ITPK1: variants seen among roughly 807,000 people sequenced by gnomAD.
ITPK1 encodes inositol-tetrakisphosphate 1-kinase.
A neutral mutation model predicts 45.3 loss-of-function variants in ITPK1; 21 were observed. The observed-to-expected ratio is 0.46, with a 90% CI of 0.33 to 0.67. ITPK1 has a LOEUF of 0.67. Ranked by LOEUF, ITPK1 falls within the 30% of genes least tolerant of loss-of-function variation. ITPK1 has a pLI of 0.02. For missense variants in ITPK1, 474 were observed against 573.5 expected, an observed-to-expected ratio of 0.83 and a Z score of 1.77; for synonymous variants, 258 against 253.6, an observed-to-expected ratio of 1.02 and a Z score of -0.16.
At position 92,941,774 on chromosome 14, in the gene ITPK1, C is replaced by T; in HGVS notation, c.1032G>A (p.Glu344=). ...ALLRHSKLLA[E]PAGGLVGERT... ...GCTCGCCCACCAGGCCGCCCGCCGGCTCGGCCAGAAGCTTGCTGTGCCTCA... is the reference window on the plus strand; with the variant it reads ...GCTCGCCCACCAGGCCGCCCGCCGGTTCGGCCAGAAGCTTGCTGTGCCTCA... Residue 344 remains glutamate (E), a synonymous_variant, in exon 11 of 11, where the codon GAG becomes GAA. Coordinates refer to ENST00000267615, the MANE Select transcript of ITPK1 (RefSeq NM_014216.6). 1 of 1,608,404 alleles carries T rather than the reference C, an allele frequency of 6.2e-7. No homozygotes were observed. Among genetic ancestry groups the T allele is most frequent in the Non-Finnish European group, 8.5e-7 (1 of 1,178,530 alleles).
chr14:92,966,232 T>C (rs1220483789), intron 5 of ITPK1, among the ~76,000 whole-genome samples: 4 of 152,112 alleles, frequency 2.6e-5, no homozygotes, highest in Non-Finnish European at 5.9e-5. Flanking sequence ...GCTCAAGTGA[T>C]TGTCCCGCCT....
At chr14:93,089,159 A>T (rs1420766116) in intron 2 of ITPK1, among the ~76,000 whole-genome samples, 3 of 152,158 alleles carry the variant, frequency 2.0e-5, no homozygotes, top group African/African-American at 7.2e-5. Context: ...GGCCAAAAGG[A>T]TGGATGCCAT....
rs1165016845 is a variant in ITPK1 at position 92,941,666 on chromosome 14, G to A, written c.1140C>T (p.Gly380=). 7 of 1,540,286 alleles carry A rather than the reference G, an allele frequency of 4.5e-6. No individual in the cohort carries two copies. In the African/African-American group the frequency reaches 5.5e-5, roughly 12 times the overall value. Residue 380 remains glycine, a synonymous_variant, in exon 11 of 11, where the codon GGC becomes GGT. Coordinates refer to ENST00000267615, the MANE Select transcript of ITPK1 (RefSeq NM_014216.6). Reference sequence around the variant, plus strand: ...GTCTCTGGTGCGGCAGCTTGGCGGTGCCGCCCGCGTCGGCCTCAGCCTTCC... The same window carrying A: ...GTCTCTGGTGCGGCAGCTTGGCGGTACCGCCCGCGTCGGCCTCAGCCTTCC... ...APWKAEADAG[G]TAKLPHQRLG...
At chr14:93,094,871 G>A (rs914589708) in intron 2 of ITPK1, among the ~76,000 whole-genome samples, 2 of 152,232 alleles carry the variant, frequency 1.3e-5, no homozygotes, top group Non-Finnish European at 2.9e-5. Flanking sequence ...CCCAGAGTCC[G>A]TGTTGAAGGA....
chr14:92,944,550 G>C (rs1035675903), intron 10 of ITPK1, among the ~76,000 whole-genome samples: 1 of 152,114 alleles, frequency 6.6e-6, no homozygotes, highest in East Asian at 1.9e-4. Flanking sequence ...CCTTGCTCAG[G>C]TGCAAAGCTT....
rs1888158652 is a variant in ITPK1, at chr14:93,016,051, T to A, written c.246+625A>T. ...CTTTCTAGAGGACAGAATCACGTTC[T>A]TGTCCACAACAGAGAGAACACAGGA... On this transcript the variant is annotated intron_variant, in intron 4 of 10. Coordinates refer to ENST00000267615, the MANE Select transcript of ITPK1 (RefSeq NM_014216.6). The surrounding 1 kb of genome is among the most constrained non-coding windows in gnomAD (Gnocchi z 5.0). 6.6e-6 allele frequency among the ~76,000 whole-genome samples: 1 copy of A among 152,180 alleles called. No individual in the cohort carries two copies. The highest frequency in any genetic ancestry group is 2.4e-5 in the African/African-American group (1 of 41,416).
chr14:93,033,059 G>C (rs890588120), intron 3 of ITPK1, among the ~76,000 whole-genome samples: 1 of 152,212 alleles, frequency 6.6e-6, no homozygotes, highest in Non-Finnish European at 1.5e-5. Flanking sequence ...GCTTGGGAAA[G>C]GTATAAGCAT....
intron 5 of ITPK1, among the ~76,000 whole-genome samples, chr14:92,984,764 C>T (rs1012975975): frequency 6.6e-6 from 1 of 152,166 alleles, no homozygotes; most frequent in Admixed American, 6.5e-5. Flanking sequence ...CAAGGGGATC[C>T]TGTCACTTCT....
chr14:92,939,511 G>GCTCC lies in ITPK1; in HGVS notation c.*2046_*2049dup. On this transcript the variant is annotated 3_prime_UTR_variant, in exon 11 of 11. Coordinates refer to ENST00000267615, the MANE Select transcript of ITPK1 (RefSeq NM_014216.6). ...CTGGCCCCTCCCTACCTCCCATGTA[G>GCTCC]CTCCCAGGCCTTTACGAAGCAAATC... is the stretch of plus-strand genomic sequence containing the variant. 4.5e-6 allele frequency: 1 copy of GCTCC among 224,158 alleles called. No individual in the cohort carries two copies. The highest frequency in any genetic ancestry group is 7.5e-6 in the Non-Finnish European group (1 of 133,968). The allele number at this position is 224,158 out of a possible 1,614,324, so 13.9% of individuals were successfully genotyped here. A position where few individuals can be genotyped will look rare whatever the true frequency, so the allele number is the denominator to read the frequency against.
rs1039153648 is a variant in ITPK1, at chr14:92,946,635, C to T, written c.739-142G>A. 115 of 830,528 alleles carry T rather than the reference C, an allele frequency of 1.4e-4. No homozygotes were observed. In the East Asian group the frequency reaches 2.5e-3, roughly 18 times the overall value. The allele number at this position is 830,528 out of a possible 1,614,324, so 51.4% of individuals were successfully genotyped here. A position where few individuals can be genotyped will look rare whatever the true frequency, so the allele number is the denominator to read the frequency against. ...CCAGACAGACCTACTGTGGTGAGCA[C>T]GGGGCGGCCACTGGCCAGGTCCTGC... is the stretch of plus-strand genomic sequence containing the variant. On this transcript the variant is annotated intron_variant, in intron 9 of 10. Coordinates refer to ENST00000267615, the MANE Select transcript of ITPK1 (RefSeq NM_014216.6).
At chr14:93,038,478 T>A (rs1889412835) in intron 3 of ITPK1, among the ~76,000 whole-genome samples, 1 of 152,242 alleles carries the variant, frequency 6.6e-6, no homozygotes, top group African/African-American at 2.4e-5. Context: ...ATTATATCCA[T>A]ATACTCTCTT....
chr14:93,019,103 C>T (rs141436823), intron 3 of ITPK1, among the ~76,000 whole-genome samples: 186 of 152,354 alleles, frequency 1.2e-3, no homozygotes, highest in African/African-American at 4.3e-3. Context: ...AAACACCAAC[C>T]CATTTCCACT....
At chr14:92,966,471 A>G (rs911388428) in intron 5 of ITPK1, among the ~76,000 whole-genome samples, 2 of 152,254 alleles carry the variant, frequency 1.3e-5, no homozygotes, top group Non-Finnish European at 2.9e-5. Context: ...GGAAAGACAC[A>G]CAAGGCTCAT....
chr14:93,013,959 C>A (rs1888047626), intron 4 of ITPK1, among the ~76,000 whole-genome samples: 1 of 152,186 alleles, frequency 6.6e-6, no homozygotes, highest in South Asian at 2.1e-4. Flanking sequence ...CCCAGTGCCT[C>A]TCAGTCATTC....
At chr14:93,011,134 T>C (rs2139844196) in intron 4 of ITPK1, among the ~76,000 whole-genome samples, 1 of 152,364 alleles carries the variant, frequency 6.6e-6, no homozygotes, top group East Asian at 1.9e-4. Flanking sequence ...TCCAGTGAGA[T>C]GGATGAGTCC....
In ITPK1 at chr14:93,014,313, C is replaced by T. The variant is rs74072515; in HGVS notation, c.246+2363G>A. On this transcript the variant is annotated intron_variant, in intron 4 of 10. Coordinates refer to ENST00000267615, the MANE Select transcript of ITPK1 (RefSeq NM_014216.6). This position sits in a 1 kb window ranked among gnomAD's most constrained non-coding sequence, Gnocchi z 4.4. ...TTTTCTGCCCAGAAAAGGAACACAG[C>T]GGGCACTCTCATTCACTGTTTGGAC... 0.026 allele frequency among the ~76,000 whole-genome samples: 3,899 copies of T among 152,252 alleles called. 178 individuals carry two copies. Among genetic ancestry groups the T allele is most frequent in the African/African-American group, 0.089 (3,707 of 41,528 alleles).
intron 5 of ITPK1, among the ~76,000 whole-genome samples, chr14:92,972,159 G>A (rs112791120): frequency 2.6e-5 from 4 of 152,300 alleles, no homozygotes; most frequent in South Asian, 2.1e-4. Flanking sequence ...TCCATGCCCC[G>A]CGAGTGAAGC....
intron 3 of ITPK1, among the ~76,000 whole-genome samples, chr14:93,023,661 G>A (rs912359553): frequency 6.6e-6 from 1 of 152,210 alleles, no homozygotes; most frequent in Non-Finnish European, 1.5e-5. Flanking sequence ...GTAACTGCAA[G>A]GTTGAGAACA....
chr14:93,107,529 C>T (rs1050721538), intron 2 of ITPK1, among the ~76,000 whole-genome samples: 4 of 152,254 alleles, frequency 2.6e-5, no homozygotes, highest in South Asian at 2.1e-4. Context: ...CTGTGGGTCC[C>T]GATTCACCCT....
Sources: gnomAD v4.1 joint callset for allele counts (sites outside exome capture counted in the v4.1 genomes callset) on GRCh38, gnomAD v4.1.1 for gene constraint, Gnocchi (gnomAD v3.1) non-coding constraint, MANE v1.5 for transcripts, NCBI Gene and HGNC (gene_info 2026-07-23, HGNC 2026-07-21) for gene names.